Variants in ZC3H12B observed in about 807,000 individuals in gnomAD.
The protein encoded by ZC3H12B is zinc finger CCCH-type containing 12B.
In ZC3H12B, 7 loss-of-function variants were observed where a neutral mutation model predicts 43.9. The observed-to-expected ratio is 0.16, with a 90% confidence interval of 0.09 to 0.30. The LOEUF (loss-of-function observed/expected upper bound fraction) is 0.30, where lower values mean the gene tolerates loss of function less well. ZC3H12B is among the 10% of genes least tolerant of loss of function. The pLI is 1.00. For synonymous variants in ZC3H12B, 222 were observed against 241.7 expected (o/e 0.92, Z 0.76); for missense variants, 475 against 670.2 (o/e 0.71, Z 3.22).
chrX:65,093,674 T>C, the ZC3H12B span, among the ~76,000 whole-genome samples: 4 of 112,293 alleles, frequency 3.6e-5, no homozygotes, highest in Non-Finnish European at 5.6e-5. Flanking sequence ...TTTATTTCTT[T>C]TGGAATAGGG....
chrX:65,254,769 G>C, the ZC3H12B span, among the ~76,000 whole-genome samples: 1 of 111,546 alleles, frequency 9.0e-6, no homozygotes, highest in Non-Finnish European at 1.9e-5. Context: ...AGATCACCAA[G>C]ATTCTGGAAA....
the ZC3H12B span, among the ~76,000 whole-genome samples, chrX:65,361,182 G>T: frequency 9.0e-6 from 1 of 111,602 alleles, no homozygotes; most frequent in Non-Finnish European, 1.9e-5. Flanking sequence ...TTTTCTTTAA[G>T]TCCTTAGCTA....
At chrX:65,137,520 A>G in the ZC3H12B span, among the ~76,000 whole-genome samples, 1 of 112,175 alleles carries the variant, frequency 8.9e-6, no homozygotes, top group Non-Finnish European at 1.9e-5. Context: ...GTTTAATGCA[A>G]TTTAAGCCAC....
chrX:65,224,912 C>T, the ZC3H12B span, among the ~76,000 whole-genome samples: 3 of 112,244 alleles, frequency 2.7e-5, no homozygotes, highest in Admixed American at 1.9e-4. Context: ...TCAAGGAGGC[C>T]TGCCTGCCTC....
chrX:65,122,233 A>G, the ZC3H12B span, among the ~76,000 whole-genome samples: 2 of 111,061 alleles, frequency 1.8e-5, no homozygotes, highest in Non-Finnish European at 3.8e-5. Context: ...CCAATATTCA[A>G]CATTCTTAAA....
the ZC3H12B span, among the ~76,000 whole-genome samples, chrX:65,237,702 T>C: frequency 2.7e-5 from 3 of 111,640 alleles, no homozygotes; most frequent in African/African-American, 9.8e-5. Flanking sequence ...TGTGGGTTTC[T>C]CATATATGGC....
the ZC3H12B span, among the ~76,000 whole-genome samples, chrX:65,249,414 C>T: frequency 2.6e-4 from 29 of 111,998 alleles, no homozygotes; most frequent in Non-Finnish European, 4.9e-4. Flanking sequence ...TTCCATTGGT[C>T]TAATTGGTAC....
the ZC3H12B span, among the ~76,000 whole-genome samples, chrX:65,225,573 C>T: frequency 8.9e-6 from 1 of 112,206 alleles, no homozygotes; most frequent in Non-Finnish European, 1.9e-5. Flanking sequence ...GATCAAACTA[C>T]TCCAAGCTAC....
chrX:65,443,678 G>T (rs989055184), intron 3 of ZC3H12B, among the ~76,000 whole-genome samples: 6 of 112,526 alleles, frequency 5.3e-5, no homozygotes, highest in African/African-American at 1.9e-4. Context: ...CCTTTAAGCG[G>T]TTTTCCAGCC....
the ZC3H12B span, among the ~76,000 whole-genome samples, chrX:65,159,574 G>T: frequency 9.0e-6 from 1 of 111,560 alleles, no homozygotes; most frequent in African/African-American, 3.3e-5. Flanking sequence ...GTCTGTTATT[G>T]GTGTGTAAGA....
chrX:65,383,663 G>T (rs1170846368), intron 2 of ZC3H12B, among the ~76,000 whole-genome samples: 1 of 110,630 alleles, frequency 9.0e-6, no homozygotes, highest in Non-Finnish European at 1.9e-5. Flanking sequence ...AGAGTGAACA[G>T]GCCACCTACA....
At chrX:65,381,116 A>G (rs1164413447) in intron 2 of ZC3H12B, among the ~76,000 whole-genome samples, 5 of 111,621 alleles carry the variant, frequency 4.5e-5, no homozygotes, top group Non-Finnish European at 7.5e-5. Flanking sequence ...ATAGACATCT[A>G]CAGAACTCTC....
the ZC3H12B span, among the ~76,000 whole-genome samples, chrX:65,119,428 G>T: frequency 2.3e-4 from 26 of 112,073 alleles, no homozygotes; most frequent in South Asian, 5.2e-3. Context: ...TCATGTCTCT[G>T]TTGGCTGCAT....
the ZC3H12B span, among the ~76,000 whole-genome samples, chrX:65,324,455 C>G: frequency 4.8e-4 from 53 of 111,149 alleles, no homozygotes; most frequent in African/African-American, 1.7e-3. Context: ...ATACACTTTT[C>G]TCTTAGAATT....
At chrX:65,137,173 G>A in the ZC3H12B span, among the ~76,000 whole-genome samples, 1 of 111,524 alleles carries the variant, frequency 9.0e-6, no homozygotes, top group African/African-American at 3.2e-5. Context: ...CCTTTATAAT[G>A]TAAAAAAAAT....
intron 3 of ZC3H12B, among the ~76,000 whole-genome samples, chrX:65,476,969 G>A (rs1390821713): frequency 9.5e-6 from 1 of 105,732 alleles, no homozygotes; most frequent in African/African-American, 3.6e-5. Context: ...CTACAGACAT[G>A]CACCATCACT....
chrX:65,232,938 G>C, the ZC3H12B span, among the ~76,000 whole-genome samples: 2 of 111,591 alleles, frequency 1.8e-5, no homozygotes, highest in Non-Finnish European at 3.8e-5. Flanking sequence ...ATGAGGAGGA[G>C]CAGCTATACT....
the ZC3H12B span, among the ~76,000 whole-genome samples, chrX:65,289,997 G>C: frequency 1.8e-5 from 2 of 110,716 alleles, no homozygotes; most frequent in Non-Finnish European, 3.8e-5. Flanking sequence ...AAACTAAAAA[G>C]CTTCTATGTA....
chrX:65,102,951 T>C, the ZC3H12B span, among the ~76,000 whole-genome samples: 2 of 111,080 alleles, frequency 1.8e-5, no homozygotes, highest in Non-Finnish European at 3.8e-5. Context: ...GGCAATAAAA[T>C]ATCACAAGGC....
Sources: allele counts gnomAD v4.1 joint callset (sites outside exome capture counted in the v4.1 genomes callset), GRCh38; gene constraint gnomAD v4.1.1; transcripts MANE v1.5; gene names NCBI Gene and HGNC (gene_info 2026-07-23, HGNC 2026-07-21).